Variants in DNAH12 observed in about 807,000 individuals in gnomAD.
DNAH12 encodes the protein axonemal beta dynein heavy chain 12.
DNAH12 carries 285 observed loss-of-function variants against 371.5 expected under a neutral mutation model. That is an observed-to-expected ratio of 0.77 (90% CI 0.70 to 0.85). The LOEUF is 0.85. Among genes scored for constraint, DNAH12 ranks in the 40% least tolerant of loss-of-function variants. The pLI, the probability that DNAH12 is intolerant of heterozygous loss-of-function variation, is 0.00. For synonymous variants in DNAH12, 1,200 were observed against 1,213.0 expected, an observed-to-expected ratio of 0.99 and a Z score of 0.22; for missense variants, 3,611 against 3,689.4, an observed-to-expected ratio of 0.98 and a Z score of 0.55.
At chr3:57,552,378 T>C in the DNAH12 span, among the ~76,000 whole-genome samples, 1 of 152,194 alleles carries the variant, frequency 6.6e-6, no homozygotes, top group Non-Finnish European at 1.5e-5. Flanking sequence ...TTTATAATTA[T>C]CTATTACTTC....
chr3:57,512,560 C>T (rs931076200), intron 4 of DNAH12: 1 of 152,150 alleles, frequency 6.6e-6, no homozygotes, highest in African/African-American at 2.4e-5. Flanking sequence ...ATTTTTGAAA[C>T]AGTAGATGCT....
intron 55 of DNAH12, among the ~76,000 whole-genome samples, chr3:57,369,892 T>C (rs1189195515): frequency 6.6e-6 from 1 of 152,206 alleles, no homozygotes; most frequent in Non-Finnish European, 1.5e-5. Context: ...ATCCAATAAT[T>C]AGAGATTCTT....
chr3:57,335,167 C>T (rs2062194374), intron 60 of DNAH12, among the ~76,000 whole-genome samples: 1 of 152,116 alleles, frequency 6.6e-6, no homozygotes, highest in Non-Finnish European at 1.5e-5. Flanking sequence ...TAAGGTGATC[C>T]CCGTTCCTCA....
At chr3:57,481,816 G>A (rs2066752904) in intron 13 of DNAH12, among the ~76,000 whole-genome samples, 1 of 151,352 alleles carries the variant, frequency 6.6e-6, no homozygotes, top group South Asian at 2.1e-4. Flanking sequence ...AACAAGCAAT[G>A]GGGAAAGGAT....
intron 23 of DNAH12, among the ~76,000 whole-genome samples, chr3:57,454,415 G>A (rs2065844561): frequency 1.3e-5 from 2 of 151,648 alleles, no homozygotes; most frequent in Admixed American, 6.6e-5. Flanking sequence ...GGGAGGCGGA[G>A]GTTGCAGTGA....
intron 58 of DNAH12, among the ~76,000 whole-genome samples, chr3:57,358,265 G>T (rs1027195297): frequency 2.6e-5 from 4 of 152,158 alleles, no homozygotes; most frequent in East Asian, 3.9e-4. Context: ...AGGAGTAAAA[G>T]GTAGTGGGAC....
intron 25 of DNAH12, among the ~76,000 whole-genome samples, chr3:57,452,622 C>G (rs914477725): frequency 6.6e-6 from 1 of 152,184 alleles, no homozygotes; most frequent in Non-Finnish European, 1.5e-5. Context: ...TATCCCCCAT[C>G]GGAGTGACTC....
chr3:57,339,135 G>C (rs371442464), intron 60 of DNAH12, among the ~76,000 whole-genome samples: 3 of 152,288 alleles, frequency 2.0e-5, no homozygotes, highest in East Asian at 3.9e-4. Flanking sequence ...AATGGATTAA[G>C]GGCGGTGCAA....
intron 10 of DNAH12, among the ~76,000 whole-genome samples, chr3:57,501,932 A>G (rs966380682): frequency 1.1e-4 from 17 of 148,848 alleles, no homozygotes; most frequent in Admixed American, 2.7e-4. Flanking sequence ...TTTGAGACGG[A>G]GTCTCGCTCT....
intron 16 of DNAH12, among the ~76,000 whole-genome samples, chr3:57,470,086 G>C (rs964513902): frequency 1.3e-5 from 2 of 151,974 alleles, no homozygotes; most frequent in Non-Finnish European, 2.9e-5. Context: ...GTATTAAAAA[G>C]GGAATTGACT....
chr3:57,508,489 AT>A lies in DNAH12; in HGVS notation c.593del (p.Asn198IlefsTer14). On this transcript the variant is annotated frameshift_variant, in exon 7 of 74. Coordinates refer to ENST00000495027, the MANE Select transcript of DNAH12 (RefSeq NM_001366028.2). LOFTEE classifies it high-confidence loss of function. ...PWHSSYVQAR[N>X]QIFSNLHIIH... ...TAATGTGCAAATTAGAGAATATTTG[AT>A]TTCTTGCCTGCACATAGCTAGAATG... is the stretch of plus-strand genomic sequence containing the variant. 1.2e-6 allele frequency: 2 copies of A among 1,613,248 alleles called. No individual in the cohort carries two copies. Among genetic ancestry groups the A allele is most frequent in the Non-Finnish European group, 1.7e-6 (2 of 1,179,828 alleles).
At chr3:57,298,295 A>C (rs1485744093) in intron 70 of DNAH12, among the ~76,000 whole-genome samples, 2 of 152,196 alleles carry the variant, frequency 1.3e-5, no homozygotes, top group Non-Finnish European at 2.9e-5. Flanking sequence ...GAGATGCAGA[A>C]ACTCTTGCTG....
At chr3:57,459,139 G>A (rs1251320913) in intron 20 of DNAH12, among the ~76,000 whole-genome samples, 2 of 152,202 alleles carry the variant, frequency 1.3e-5, no homozygotes, top group Non-Finnish European at 2.9e-5. Flanking sequence ...GAGAGACATA[G>A]GAACTGAGTG....
chr3:57,435,035 TATCAA>T (rs1227626228), intron 30 of DNAH12, among the ~76,000 whole-genome samples: 2 of 152,090 alleles, frequency 1.3e-5, no homozygotes, highest in African/African-American at 2.4e-5. Flanking sequence ...TGGCATCAAG[TATCAA>T]ATCAAGGGTA....
chr3:57,520,058 A>C, intron 4 of DNAH12: 1 of 555,606 alleles, frequency 1.8e-6, no homozygotes. Flanking sequence ...GGAAAGCCGG[A>C]GGCTGTGGCG....
At chr3:57,482,399 G>A (rs1024547486) in intron 13 of DNAH12, among the ~76,000 whole-genome samples, 15 of 151,786 alleles carry the variant, frequency 9.9e-5, no homozygotes, top group African/African-American at 2.7e-4. Flanking sequence ...TTAGAATGGC[G>A]ATCATTAAAA....
At chr3:57,504,867 C>T (rs1559730722) in intron 8 of DNAH12, among the ~76,000 whole-genome samples, 2 of 150,732 alleles carry the variant, frequency 1.3e-5, no homozygotes, top group East Asian at 3.9e-4. Context: ...TTTTTTCTCT[C>T]TTTTTTTTTC....
At chr3:57,345,781 T>A (rs2062526739) in intron 60 of DNAH12, among the ~76,000 whole-genome samples, 1 of 152,202 alleles carries the variant, frequency 6.6e-6, no homozygotes. Flanking sequence ...GTAACAGATT[T>A]GTACATATTT....
chr3:57,433,567 A>G (rs1000841332), intron 31 of DNAH12, 60 bp from the exon 32 acceptor site: 5 of 1,538,194 alleles, frequency 3.3e-6, no homozygotes, highest in Non-Finnish European at 4.4e-6. Context: ...TAGGAGTAAA[A>G]CTATGAAAAT....
Sources: gnomAD v4.1 joint callset for allele counts (sites outside exome capture counted in the v4.1 genomes callset) on GRCh38, gnomAD v4.1.1 for gene constraint, MANE v1.5 for transcripts, NCBI Gene and HGNC (gene_info 2026-07-23, HGNC 2026-07-21) for gene names.